Variants in ANGPT2 observed in about 807,000 individuals in gnomAD.
ANGPT2 encodes the protein angiopoietin-2.
In ANGPT2, 28 loss-of-function variants were observed where a neutral mutation model predicts 62.9. The ratio of observed to expected loss-of-function variants is 0.44; its 90% CI spans 0.33 to 0.61. ANGPT2 has a LOEUF of 0.61. ANGPT2 is among the 20% of genes least tolerant of loss of function. ANGPT2 has a pLI of 0.03. For missense variants in ANGPT2, 727 were observed against 594.9 expected (o/e 1.22, Z -2.31); for synonymous variants, 284 against 207.8 (o/e 1.37, Z -3.15).
At chr8:6,514,456 T>C (rs1815832595) in intron 6 of ANGPT2, among the ~76,000 whole-genome samples, 1 of 152,192 alleles carries the variant, frequency 6.6e-6, no homozygotes, top group South Asian at 2.1e-4. Flanking sequence ...CCCAAAGTGC[T>C]GGGATTACAG....
At chr8:6,551,154 A>G (rs925130262) in intron 1 of ANGPT2, among the ~76,000 whole-genome samples, 1 of 152,196 alleles carries the variant, frequency 6.6e-6, no homozygotes, top group South Asian at 2.1e-4. Context: ...ATGCTGACTT[A>G]GGATTTTAAA....
intron 1 of ANGPT2, among the ~76,000 whole-genome samples, chr8:6,552,121 A>G (rs1018968525): frequency 1.4e-4 from 22 of 152,222 alleles, no homozygotes; most frequent in Non-Finnish European, 5.9e-5. Flanking sequence ...AATCTTTTCT[A>G]CTAAGATATG....
intron 8 of ANGPT2, among the ~76,000 whole-genome samples, chr8:6,506,821 A>T (rs1363853938): frequency 6.6e-6 from 1 of 151,912 alleles, no homozygotes; most frequent in Non-Finnish European, 1.5e-5. Flanking sequence ...TCAGCATAAA[A>T]GGCATGAAAT....
At chr8:6,530,264 T>C (rs1337193771) in intron 2 of ANGPT2, among the ~76,000 whole-genome samples, 1 of 152,034 alleles carries the variant, frequency 6.6e-6, no homozygotes, top group East Asian at 1.9e-4. Flanking sequence ...TCCCAGCAGT[T>C]TGGGAGGCCA....
Position 6,527,507 on chromosome 8 carries a change from T to C in ANGPT2, c.566+48A>G, listed in dbSNP as rs200053505. 3.4e-5 allele frequency: 54 copies of C among 1,587,166 alleles called. No individual in the cohort carries two copies. The African/African-American group carries it at 5.5e-4, about 16-fold the overall frequency. The stretch of plus-strand genomic sequence containing the variant: ...ATCATTTGAGACCGACTTTCATATC[T>C]GGAAAGTGTGCAGTCCTGAATTATA... On this transcript the variant is annotated intron_variant, in intron 3 of 8. Coordinates refer to ENST00000629816, the MANE Select transcript of ANGPT2 (RefSeq NM_001118887.2).
intron 6 of ANGPT2, among the ~76,000 whole-genome samples, 200 bp downstream of exon 6, chr8:6,514,477 G>A (rs963166933): frequency 5.9e-4 from 90 of 152,284 alleles, no homozygotes; most frequent in African/African-American, 2.1e-3. Flanking sequence ...GCGTGAGCCA[G>A]CACGTCTGGC....
Position 6,514,722 on chromosome 8 carries a change from C to T in ANGPT2, c.984G>A (p.Glu328=). ...TCCTCTGAAAATCAACGCTGCCATC[C>T]TCACGTCGCTGAATAATTGTCCACC... ...GGGWTIIQRR[E]DGSVDFQRTW... is the part of the protein sequence containing the mutation. Residue 328 remains glutamate, a synonymous_variant, in exon 6 of 9, where the codon GAG becomes GAA. Coordinates refer to ENST00000629816, the MANE Select transcript of ANGPT2 (RefSeq NM_001118887.2). The T allele has an allele frequency of 6.2e-7, 1 of 1,614,102 alleles. No homozygotes were observed. The highest frequency in any genetic ancestry group is 1.3e-5 in the African/African-American group (1 of 75,010).
Position 6,514,730 on chromosome 8 carries a change from G to C in ANGPT2, c.976C>G (p.Arg326Gly). The change falls in exon 6 of 9, where the codon CGA becomes GGA. Residue 326 changes from arginine (R) to glycine (G), a missense_variant. Coordinates refer to ENST00000629816, the MANE Select transcript of ANGPT2 (RefSeq NM_001118887.2). Reference protein sequence around the residue: ...AGGGGWTIIQRREDGSVDFQR... With the variant: ...AGGGGWTIIQGREDGSVDFQR... ...AAATCAACGCTGCCATCCTCACGTC[G>C]CTGAATAATTGTCCACCCGCCTCCT... 1 of 1,613,974 alleles carries C rather than the reference G, an allele frequency of 6.2e-7. No individual in the cohort carries two copies. Among genetic ancestry groups the C allele is most frequent in the Non-Finnish European group, 8.5e-7 (1 of 1,180,000 alleles).
At chr8:6,527,523 C>T in intron 3 of ANGPT2, 32 bp downstream of exon 3, 1 of 1,605,844 alleles carries the variant, frequency 6.2e-7, no homozygotes, top group Non-Finnish European at 8.5e-7. Flanking sequence ...GTGTGCAGTC[C>T]TGAATTATAA....
intron 7 of ANGPT2, among the ~76,000 whole-genome samples, chr8:6,511,369 C>T (rs1178016457): frequency 1.3e-5 from 2 of 151,934 alleles, no homozygotes; most frequent in East Asian, 3.9e-4. Flanking sequence ...TCAACATTAA[C>T]AATTAAACCT....
At chr8:6,505,806 A>G (rs1484127507) in intron 8 of ANGPT2, among the ~76,000 whole-genome samples, 1 of 127,620 alleles carries the variant, frequency 7.8e-6, no homozygotes, top group African/African-American at 2.7e-5. Context: ...AAACATGCAT[A>G]TTCTTTATAT....
intron 2 of ANGPT2, among the ~76,000 whole-genome samples, chr8:6,527,978 C>G (rs1196304876): frequency 2.0e-5 from 3 of 151,548 alleles, no homozygotes; most frequent in Non-Finnish European, 4.4e-5. Context: ...TCACTGCAAC[C>G]TCCGCCTCCC....
chr8:6,525,444 A>G (rs538692566), intron 3 of ANGPT2, among the ~76,000 whole-genome samples: 2 of 152,160 alleles, frequency 1.3e-5, no homozygotes, highest in South Asian at 4.1e-4. Flanking sequence ...TGCCCTGGCT[A>G]GTCTCAAACT....
At position 6,514,658 on chromosome 8, in the gene ANGPT2, C is replaced by A; in HGVS notation, c.1029+19G>T. ...TCACAAGGGAAATTCTTTTCTGATG[C>A]CTTAAAGAATGTCCTTACCACTTTA... is the stretch of plus-strand genomic sequence containing the variant. On this transcript the variant is annotated intron_variant, in intron 6 of 8. Transcript: ENST00000629816. The A allele has an allele frequency of 6.2e-7, 1 of 1,603,708 alleles. No individual in the cohort carries two copies. Among genetic ancestry groups the A allele is most frequent in the Non-Finnish European group, 8.5e-7 (1 of 1,170,774 alleles).
chr8:6,511,317 G>T (rs1262973478), intron 7 of ANGPT2, among the ~76,000 whole-genome samples: 1 of 151,126 alleles, frequency 6.6e-6, no homozygotes, highest in Non-Finnish European at 1.5e-5. Flanking sequence ...CTGCAGCTTT[G>T]CCAGGGATGA....
chr8:6,547,200 C>T (rs1479143364), intron 1 of ANGPT2, among the ~76,000 whole-genome samples: 1 of 151,912 alleles, frequency 6.6e-6, no homozygotes, highest in Non-Finnish European at 1.5e-5. Flanking sequence ...AGTTTTATAC[C>T]ATTAGATTAT....
At chr8:6,542,119 C>A (rs567031466) in intron 1 of ANGPT2, among the ~76,000 whole-genome samples, 6 of 152,136 alleles carry the variant, frequency 3.9e-5, no homozygotes, top group Admixed American at 3.9e-4. Context: ...CCAGGAACTT[C>A]CTTTTTAAAT....
chr8:6,545,846 A>G (rs1464984219), intron 1 of ANGPT2, among the ~76,000 whole-genome samples: 1 of 152,240 alleles, frequency 6.6e-6, no homozygotes, highest in Admixed American at 6.5e-5. Flanking sequence ...AGAAAAGTGA[A>G]ATCGATTGAA....
At position 6,499,946 on chromosome 8, in the gene ANGPT2, T is replaced by C; in HGVS notation, c.*3155A>G. 2 of 1,605,110 alleles carry C rather than the reference T, an allele frequency of 1.2e-6. No homozygotes were observed. The highest frequency in any genetic ancestry group is 2.2e-5 in the South Asian group (2 of 90,892). On this transcript the variant is annotated 3_prime_UTR_variant, in exon 9 of 9. Transcript: ENST00000629816. ...GCAGCTCCCGTAAGTCAGATGTTGT[T>C]TTACGATGGTAAATGCAGTTTGCTG...
Sources: gnomAD v4.1 joint callset for allele counts (sites outside exome capture counted in the v4.1 genomes callset) on GRCh38, gnomAD v4.1.1 for gene constraint, MANE v1.5 for transcripts, NCBI Gene and HGNC (gene_info 2026-07-23, HGNC 2026-07-21) for gene names.